SAMD5: variants seen among roughly 807,000 people sequenced by gnomAD.
SAMD5 encodes the protein sterile alpha motif domain-containing protein 5.
Under a neutral mutation model 11.3 loss-of-function variants are expected in SAMD5, and 13 were observed. That is an observed-to-expected ratio of 1.15 (90% CI 0.75 to 1.83). The LOEUF (loss-of-function observed/expected upper bound fraction) is 1.83, where lower values mean the gene tolerates loss of function less well. Among genes scored for constraint, SAMD5 ranks in the 40% most tolerant of loss-of-function variants. SAMD5 has a pLI of 0.00. For missense variants in SAMD5, 255 were observed against 239.1 expected, an observed-to-expected ratio of 1.07 and a Z score of -0.44; for synonymous variants, 129 against 111.3, an observed-to-expected ratio of 1.16 and a Z score of -1.00.
chr6:147,884,516 T>C, the SAMD5 span, among the ~76,000 whole-genome samples: 26 of 152,334 alleles, frequency 1.7e-4, no homozygotes, highest in Non-Finnish European at 3.8e-4. Context: ...AATCCTTTGA[T>C]TACAAATGAA....
intron 1 of SAMD5, among the ~76,000 whole-genome samples, chr6:147,622,914 A>G (rs886509363): frequency 6.6e-6 from 1 of 152,160 alleles, no homozygotes; most frequent in African/African-American, 2.4e-5. Context: ...ATCTAAGCAA[A>G]AGGGGAAACC....
At chr6:147,639,857 C>T (rs1465937123) in intron 1 of SAMD5, among the ~76,000 whole-genome samples, 3 of 138,496 alleles carry the variant, frequency 2.2e-5, no homozygotes, top group Non-Finnish European at 4.8e-5. Flanking sequence ...CATATGGAAA[C>T]AAGGGCAATT....
the SAMD5 span, among the ~76,000 whole-genome samples, chr6:147,794,879 G>T: frequency 3.3e-5 from 5 of 151,538 alleles, no homozygotes; most frequent in East Asian, 5.8e-4. Flanking sequence ...AAGCTTTGAC[G>T]GCGGTGAAGA....
At chr6:147,952,253 G>A in the SAMD5 span, among the ~76,000 whole-genome samples, 4 of 152,148 alleles carry the variant, frequency 2.6e-5, no homozygotes, top group Non-Finnish European at 5.9e-5. Flanking sequence ...TGCAGTACCA[G>A]TAAAATACTC....
the SAMD5 span, among the ~76,000 whole-genome samples, chr6:147,801,837 A>G: frequency 1.3e-5 from 2 of 152,310 alleles, no homozygotes; most frequent in African/African-American, 2.4e-5. Flanking sequence ...TTTTTAATCA[A>G]TGGTGTTGGC....
intron 1 of SAMD5, among the ~76,000 whole-genome samples, chr6:147,585,562 A>C (rs1473523368): frequency 6.6e-6 from 1 of 152,112 alleles, no homozygotes; most frequent in African/African-American, 2.4e-5. Flanking sequence ...GCCACTAGGA[A>C]TTTATTTAAT....
At chr6:147,632,364 T>G (rs1043328481) in intron 1 of SAMD5, among the ~76,000 whole-genome samples, 1 of 152,198 alleles carries the variant, frequency 6.6e-6, no homozygotes, top group African/African-American at 2.4e-5. Context: ...AGAGTCAGTA[T>G]AAATATTGAC....
chr6:147,520,276 C>T (rs146750905), intron 1 of SAMD5, among the ~76,000 whole-genome samples: 130 of 152,160 alleles, frequency 8.5e-4, no homozygotes, highest in African/African-American at 3.0e-3. Flanking sequence ...GCCACCATTG[C>T]CTGGCTAATT....
At position 147,711,042 on chromosome 6, in the gene SAMD5, A is replaced by G. The variant is rs1439435871; in HGVS notation, c.163-26275A>G. Among the ~76,000 whole-genome samples, 2 of 151,336 alleles carry G rather than the reference A, an allele frequency of 1.3e-5. No homozygotes were observed. Among genetic ancestry groups the G allele is most frequent in the Non-Finnish European group, 2.9e-5 (2 of 67,798 alleles). On this transcript the variant is annotated intron_variant, in intron 1 of 1. Transcript: ENST00000566741. This position sits in a 1 kb window ranked among gnomAD's most constrained non-coding sequence, Gnocchi z 4.1. ...GGAAATAAGGAAGGAGGGAAGGAAA[A>G]TGAAAGAAGGAAGGAAAAGAAGGAA... is the stretch of plus-strand genomic sequence containing the variant.
At position 147,568,866 on chromosome 6, in the gene SAMD5, T is replaced by C. The variant is rs1789085782; in HGVS notation, c.*4410T>C. The C allele has an allele frequency of 1.0e-6, 1 of 956,602 alleles. No homozygotes were observed. The highest frequency in any genetic ancestry group is 6.2e-5 in the Admixed American group (1 of 16,204). 59.3% of individuals were successfully genotyped at this position (956,602 alleles called of 1,614,324 possible). Reference sequence around the variant, plus strand: ...AATCAAATAACTTTCTAGTCCATGATCATTAATCCCTACTATTTTAGATAT... The same window carrying C: ...AATCAAATAACTTTCTAGTCCATGACCATTAATCCCTACTATTTTAGATAT... On this transcript the variant is annotated 3_prime_UTR_variant, in exon 2 of 2. Transcript: ENST00000367474.
chr6:147,816,516 A>G, the SAMD5 span, among the ~76,000 whole-genome samples: 1 of 151,534 alleles, frequency 6.6e-6, no homozygotes, highest in African/African-American at 2.4e-5. Flanking sequence ...CTTATGTAAT[A>G]TTATCACATA....
At chr6:147,722,399 C>T (rs912161377) in intron 1 of SAMD5, among the ~76,000 whole-genome samples, 6 of 152,124 alleles carry the variant, frequency 3.9e-5, no homozygotes, top group African/African-American at 1.4e-4. Flanking sequence ...TTGGCCTAAG[C>T]ATGTATTTGC....
At chr6:147,600,801 C>A (rs1789603539) in intron 1 of SAMD5, among the ~76,000 whole-genome samples, 1 of 152,240 alleles carries the variant, frequency 6.6e-6, no homozygotes, top group East Asian at 1.9e-4. Context: ...AGTGTGAGAA[C>A]AAATTATGGA....
chr6:147,589,478 C>T (rs143204539), intron 1 of SAMD5, among the ~76,000 whole-genome samples: 1 of 152,256 alleles, frequency 6.6e-6, no homozygotes, highest in African/African-American at 2.4e-5. Context: ...GAGTTGGAGT[C>T]AGACTACCTG....
chr6:147,687,276 CTTTTT>C lies in SAMD5; in HGVS notation c.163-50023_163-50019del, dbSNP rs59851113. ...CTTCCCTTCCTTTCCTCTCCTCCTT[CTTTTT>C]TTTTTTTTTTTTTTTTTAGGTTATA... On this transcript the variant is annotated intron_variant, in intron 1 of 1. Coordinates refer to the SAMD5 transcript ENST00000566741. 4.8e-5 allele frequency among the ~76,000 whole-genome samples: 5 copies of C among 105,034 alleles called. No homozygotes were observed. In the East Asian group the frequency reaches 1.4e-3, roughly 29 times the overall value. 68.9% of individuals were successfully genotyped at this position (105,034 alleles called of 152,430 possible). A position where few individuals can be genotyped will look rare whatever the true frequency, so the allele number is the denominator to read the frequency against.
At chr6:147,533,935 C>T (rs1161245368) in intron 1 of SAMD5, among the ~76,000 whole-genome samples, 2 of 152,192 alleles carry the variant, frequency 1.3e-5, no homozygotes, top group Non-Finnish European at 2.9e-5. Context: ...AAAAACTATT[C>T]ACAACAATGT....
At chr6:147,641,260 T>A (rs554246736) in intron 1 of SAMD5, among the ~76,000 whole-genome samples, 3 of 152,330 alleles carry the variant, frequency 2.0e-5, no homozygotes, top group African/African-American at 7.2e-5. Flanking sequence ...CAAGAATTTC[T>A]TTTCTCACAT....
the SAMD5 span, among the ~76,000 whole-genome samples, chr6:147,804,680 A>G: frequency 6.6e-6 from 1 of 152,224 alleles, no homozygotes; most frequent in Non-Finnish European, 1.5e-5. Context: ...GCGGAAAAAA[A>G]GGGAGGGGTA....
intron 1 of SAMD5, among the ~76,000 whole-genome samples, chr6:147,710,584 G>C (rs1791384526): frequency 6.6e-6 from 1 of 152,090 alleles, no homozygotes; most frequent in Admixed American, 6.6e-5. Context: ...TCACAGTGCT[G>C]GTGCCCAAAG....
Sources: allele counts gnomAD v4.1 joint callset (sites outside exome capture counted in the v4.1 genomes callset), GRCh38; gene constraint gnomAD v4.1.1; non-coding constraint Gnocchi (gnomAD v3.1); transcripts MANE v1.5; gene names NCBI Gene and HGNC (gene_info 2026-07-23, HGNC 2026-07-21).